SUN1: variants seen among roughly 807,000 people sequenced by gnomAD.
The protein encoded by SUN1 is SUN domain-containing protein 1.
Under a neutral mutation model 103.2 loss-of-function variants are expected in SUN1, and 61 were observed. That is an observed-to-expected ratio of 0.59 (90% CI 0.48 to 0.73). The LOEUF (loss-of-function observed/expected upper bound fraction) is 0.73, where lower values mean the gene tolerates loss of function less well. Among genes scored for constraint, SUN1 ranks in the 30% least tolerant of loss-of-function variants. The pLI is 0.00. For missense variants in SUN1, 1,052 were observed against 1,034.6 expected (o/e 1.02, Z -0.23); for synonymous variants, 490 against 425.7 (o/e 1.15, Z -1.86).
chr7:821,842 C>T (rs1786363617), intron 1 of SUN1, among the ~76,000 whole-genome samples: 1 of 152,222 alleles, frequency 6.6e-6, no homozygotes, highest in African/African-American at 2.4e-5. Context: ...CGGGGTTCAT[C>T]AGGCAGATTG....
intron 5 of SUN1, 190 bp downstream of exon 5, chr7:843,710 A>T: frequency 1.4e-6 from 2 of 1,436,102 alleles, no homozygotes; most frequent in East Asian, 5.1e-5. Context: ...TGTGGTTAGT[A>T]ATTTTGTACC....
chr7:829,354 G>A (rs905525960), upstream of SUN1, among the ~76,000 whole-genome samples: 7 of 152,128 alleles, frequency 4.6e-5, no homozygotes, highest in South Asian at 2.1e-4. Context: ...GTACTCTTTG[G>A]CGGTCAGTAG....
chr7:816,603 G>T, upstream of SUN1: 1 of 394,946 alleles, frequency 2.5e-6, no homozygotes, highest in Non-Finnish European at 5.0e-6. Flanking sequence ...CCCGCGATTG[G>T]CTGGCGTGGG....
Position 873,172 on chromosome 7 carries a change from T to A in SUN1, c.2242-43T>A, listed in dbSNP as rs761962552. The A allele has an allele frequency of 1.4e-5, 22 of 1,561,836 alleles. 1 individual carries two copies. The highest frequency in any genetic ancestry group is 1.9e-5 in the Non-Finnish European group (21 of 1,132,754). On this transcript the variant is annotated intron_variant, in intron 18 of 18. Transcript: ENST00000401592. ...GGGAAGTGATTGGACTTGGGGTTAT[T>A]AATATGAAATACATGTGTGTGTTTT...
Position 854,836 on chromosome 7 carries a change from C to T in SUN1, c.1264-84C>T, listed in dbSNP as rs1043813119. 4.0e-5 allele frequency: 37 copies of T among 916,088 alleles called. No individual in the cohort carries two copies. The East Asian group carries it at 5.6e-4, about 14-fold the overall frequency. The allele number at this position is 916,088 out of a possible 1,614,324, so 56.7% of individuals were successfully genotyped here. On this transcript the variant is annotated intron_variant, in intron 10 of 18. Coordinates refer to ENST00000401592, the MANE Select transcript of SUN1 (RefSeq NM_001130965.3). ...ACAGATTCTCTGATTGTCGGTATTC[C>T]GTGTAGAAACGCCTTGGCCTGATTT...
intron 17 of SUN1, among the ~76,000 whole-genome samples, chr7:869,802 C>G (rs1840092369): frequency 2.6e-5 from 4 of 152,180 alleles, no homozygotes; most frequent in African/African-American, 9.7e-5. Flanking sequence ...GAAAGGTGTT[C>G]TGGCAACTGG....
At chr7:817,191 C>T in intron 1 of SUN1, 2 of 547,814 alleles carry the variant, frequency 3.7e-6, no homozygotes, top group South Asian at 2.0e-5. Context: ...ACCTCCTGAG[C>T]GCGAGCTATC....
chr7:852,964 G>A lies in SUN1; in HGVS notation c.1053+12G>A, dbSNP rs1255891160. On this transcript the variant is annotated intron_variant, in intron 9 of 18. Coordinates refer to ENST00000401592, the MANE Select transcript of SUN1 (RefSeq NM_001130965.3). ...AGCAGCCTCTGCAGGTAAGAGGGTA[G>A]AAAGGCCTCTCAGCTGGCACTGCAC... 1 of 1,607,664 alleles carries A rather than the reference G, an allele frequency of 6.2e-7. No homozygotes were observed. The highest frequency in any genetic ancestry group is 2.2e-5 in the East Asian group (1 of 44,820).
intron 16 of SUN1, among the ~76,000 whole-genome samples, chr7:866,650 TCTCCCCACCATCTCCCC>T (rs1836970624): frequency 1.6e-5 from 2 of 125,752 alleles, no homozygotes; most frequent in Non-Finnish European, 3.4e-5. Context: ...GCCCCCACTG[TCTCCCCACCATCTCCCC>T]GGGCCTTCGC....
chr7:844,635 C>T lies in SUN1; in HGVS notation c.658+1115C>T, dbSNP rs544640662. Among the ~76,000 whole-genome samples, 5 of 152,296 alleles carry T rather than the reference C, an allele frequency of 3.3e-5. No homozygotes were observed. In the East Asian group the frequency reaches 7.7e-4, roughly 24 times the overall value. ...GTGTGAAAGGGGCCGGGAAAGGTGG[C>T]GGGAGCGGGGCGGCACGTGGGTTCC... On this transcript the variant is annotated intron_variant, in intron 5 of 18. Coordinates refer to ENST00000401592, the MANE Select transcript of SUN1 (RefSeq NM_001130965.3).
chr7:831,991 C>A, upstream of SUN1: 1 of 977,750 alleles, frequency 1.0e-6, no homozygotes, highest in Non-Finnish European at 1.2e-6. Flanking sequence ...TAAATAGTGC[C>A]TTAAGCTTTT....
upstream of SUN1, chr7:816,378 C>T (rs1316009335): frequency 9.4e-6 from 2 of 212,708 alleles, no homozygotes; most frequent in African/African-American, 5.2e-5. Context: ...CAGGTGCAGC[C>T]CCCATACCGG....
At chr7:819,409 C>A (rs1783949322) in intron 1 of SUN1, among the ~76,000 whole-genome samples, 1 of 152,106 alleles carries the variant, frequency 6.6e-6, no homozygotes, top group East Asian at 1.9e-4. Context: ...TACCTAAGAA[C>A]TCTGCAAAAT....
At chr7:833,224 C>T (rs904294983) in intron 1 of SUN1, 1 of 151,876 alleles carries the variant, frequency 6.6e-6, no homozygotes, top group Admixed American at 6.6e-5. Flanking sequence ...CGGATTTGAT[C>T]AGCAGGTTGG....
upstream of SUN1, among the ~76,000 whole-genome samples, chr7:830,589 C>G (rs1420727515): frequency 1.1e-5 from 1 of 92,058 alleles, no homozygotes; most frequent in African/African-American, 4.3e-5. Flanking sequence ...CACATCCTCA[C>G]TTCCTCAGCA....
intron 1 of SUN1, among the ~76,000 whole-genome samples, chr7:817,660 A>T (rs931912690): frequency 6.6e-6 from 1 of 152,286 alleles, no homozygotes; most frequent in African/African-American, 2.4e-5. Flanking sequence ...AAAGCTTTGT[A>T]TGAAGGCTTT....
At chr7:840,281 T>C (rs555848201) in intron 2 of SUN1, among the ~76,000 whole-genome samples, 2 of 152,352 alleles carry the variant, frequency 1.3e-5, no homozygotes, top group African/African-American at 4.8e-5. Context: ...TGTGAGTTCA[T>C]GATGCAGCTG....
chr7:858,018 G>A, intron 13 of SUN1, 61 bp downstream of exon 13: 6 of 1,483,272 alleles, frequency 4.0e-6, no homozygotes, highest in Non-Finnish European at 5.4e-6. Context: ...AACTTGAATT[G>A]ATGACTTAGG....
intron 12 of SUN1, among the ~76,000 whole-genome samples, chr7:857,586 A>T (rs1023593848): frequency 6.6e-6 from 1 of 152,154 alleles, no homozygotes; most frequent in Non-Finnish European, 1.5e-5. Flanking sequence ...ACTTTTGTAG[A>T]TAGCCTCCTT....
Sources: allele counts gnomAD v4.1 joint callset (sites outside exome capture counted in the v4.1 genomes callset), GRCh38; gene constraint gnomAD v4.1.1; transcripts MANE v1.5; gene names NCBI Gene and HGNC (gene_info 2026-07-23, HGNC 2026-07-21).